The following ZNF610 variants were observed in gnomAD, a reference collection of about 807,000 sequenced individuals.
The protein encoded by ZNF610 is zink finger protein.
ZNF610 carries 14 observed loss-of-function variants against 14.1 expected under a neutral mutation model. That is an observed-to-expected ratio of 0.99 (90% confidence interval 0.65 to 1.55). ZNF610 has a LOEUF of 1.55. ZNF610 is among the 40% of genes most tolerant of loss of function. The pLI is 0.00. For missense variants in ZNF610, 530 were observed against 558.0 expected, an observed-to-expected ratio of 0.95 and a Z score of 0.51; for synonymous variants, 185 against 187.6, an observed-to-expected ratio of 0.99 and a Z score of 0.11.
At chr19:52,336,835 T>C (rs1288127216) in intron 1 of ZNF610, among the ~76,000 whole-genome samples, 1 of 152,220 alleles carries the variant, frequency 6.6e-6, no homozygotes, top group Admixed American at 6.5e-5. Context: ...ACGTGACTTC[T>C]TCTGTCTTAG....
chr19:52,361,200 CAG>C (rs1985757693), intron 5 of ZNF610, among the ~76,000 whole-genome samples: 1 of 147,030 alleles, frequency 6.8e-6, no homozygotes, highest in Non-Finnish European at 1.5e-5. Context: ...TTTTCCGAGA[CAG>C]AGTCTCGCTC....
At chr19:52,336,240 T>G (rs531334910), upstream of ZNF610, 24 of 253,668 alleles carry the variant, frequency 9.5e-5, no homozygotes, top group Non-Finnish European at 1.7e-4. Flanking sequence ...CGCGCAGTTT[T>G]TTGCAGACCC....
chr19:52,335,000 A>T (rs1177831779), upstream of ZNF610, among the ~76,000 whole-genome samples: 1 of 114,440 alleles, frequency 8.7e-6, no homozygotes, highest in South Asian at 2.7e-4. Context: ...TGGTTTTTTT[A>T]AAAGCAACAG....
At chr19:52,360,656 T>C (rs1985732539) in intron 5 of ZNF610, among the ~76,000 whole-genome samples, 1 of 152,084 alleles carries the variant, frequency 6.6e-6, no homozygotes, top group Non-Finnish European at 1.5e-5. Flanking sequence ...CTGCATCTGA[T>C]GAGCCTATCA....
chr19:52,352,096 G>C (rs2122226290), intron 3 of ZNF610, among the ~76,000 whole-genome samples: 1 of 152,322 alleles, frequency 6.6e-6, no homozygotes, highest in Non-Finnish European at 1.5e-5. Flanking sequence ...TACTCTTTTA[G>C]TAGAGTTGCG....
intron 5 of ZNF610, 40 bp downstream of exon 5, chr19:52,354,419 ATT>A (rs760399092): frequency 3.1e-6 from 5 of 1,592,190 alleles, no homozygotes; most frequent in Non-Finnish European, 3.4e-6. Flanking sequence ...CATAGTTTTT[ATT>A]TTTTTATTTT....
chr19:52,354,133 G>A, intron 4 of ZNF610, 118 bp from the exon 5 acceptor site: 2 of 1,399,244 alleles, frequency 1.4e-6, no homozygotes, highest in Admixed American at 4.2e-5. Context: ...CCAGTCTGTG[G>A]GTGAACTTGT....
At chr19:52,334,603 A>G (rs1032777738), upstream of ZNF610, among the ~76,000 whole-genome samples, 2 of 152,198 alleles carry the variant, frequency 1.3e-5, no homozygotes, top group African/African-American at 4.8e-5. Flanking sequence ...AATGTACTCT[A>G]CCAATTTTGA....
chr19:52,345,207 C>G (rs1984879735), intron 1 of ZNF610: 1 of 152,204 alleles, frequency 6.6e-6, no homozygotes, highest in African/African-American at 2.4e-5. Flanking sequence ...ATCAGGTGAT[C>G]TTCAAGTCCC....
At chr19:52,356,634 A>G (rs1473322606) in intron 5 of ZNF610, among the ~76,000 whole-genome samples, 5 of 152,182 alleles carry the variant, frequency 3.3e-5, no homozygotes, top group African/African-American at 1.2e-4. Flanking sequence ...ATTTTTGAAT[A>G]GGAGTTTAAA....
Position 52,354,272 on chromosome 19 carries a change from G to A in ZNF610, c.212G>A (p.Ser71Asn), listed in dbSNP as rs996671127. The change falls in exon 5 of 6, where the codon AGT (serine) becomes AAT (asparagine). Residue 71 changes from serine (S) to asparagine (N), a missense_variant. Physicochemically the swap from Ser to Asn is conservative, Grantham distance 46 (BLOSUM62 1). Coordinates refer to ENST00000403906, the MANE Select transcript of ZNF610 (RefSeq NM_001161425.2). ...ACAGGAATCTGTCTTCCTGACCTAA[G>A]TATTATTTCCATGTTGAAGCAAAGG... ...VFLGICLPDL[S>N]IISMLKQRRE... The A allele has an allele frequency of 6.2e-7, 1 of 1,614,062 alleles. No individual in the cohort carries two copies.
intron 1 of ZNF610, among the ~76,000 whole-genome samples, chr19:52,343,589 T>G (rs567038420): frequency 2.6e-5 from 4 of 152,116 alleles, no homozygotes; most frequent in Non-Finnish European, 4.4e-5. Flanking sequence ...ATTTGCTCAG[T>G]TAGGATGGAA....
intron 5 of ZNF610, among the ~76,000 whole-genome samples, chr19:52,354,943 A>G (rs1365164842): frequency 1.3e-5 from 2 of 152,174 alleles, no homozygotes; most frequent in African/African-American, 4.8e-5. Context: ...TGAGAAAAGA[A>G]AAGTTTAAAT....
intron 3 of ZNF610, among the ~76,000 whole-genome samples, chr19:52,353,189 C>T (rs1985343415): frequency 6.6e-6 from 1 of 152,256 alleles, no homozygotes; most frequent in African/African-American, 2.4e-5. Flanking sequence ...ATCCATCCAC[C>T]TCGGCCTCCC....
chr19:52,365,012 AAGGC>A (rs1198678751), intron 5 of ZNF610, among the ~76,000 whole-genome samples: 1 of 152,028 alleles, frequency 6.6e-6, no homozygotes, highest in African/African-American at 2.4e-5. Context: ...TTGGGAGACC[AAGGC>A]AGGCAGATTG....
At chr19:52,354,613 C>A (rs1040992465) in intron 5 of ZNF610, among the ~76,000 whole-genome samples, 5 of 144,024 alleles carry the variant, frequency 3.5e-5, no homozygotes, top group African/African-American at 1.3e-4. Flanking sequence ...TTGTCTCACT[C>A]CGTTGCCCAG....
At chr19:52,330,796 C>T in the ZNF610 span, among the ~76,000 whole-genome samples, 2 of 152,142 alleles carry the variant, frequency 1.3e-5, no homozygotes, top group South Asian at 4.2e-4. Flanking sequence ...GCTTCCAGAC[C>T]CCTTCTAGAT....
chr19:52,346,843 C>T (rs1056756646), intron 1 of ZNF610, among the ~76,000 whole-genome samples: 1 of 152,098 alleles, frequency 6.6e-6, no homozygotes, highest in African/African-American at 2.4e-5. Context: ...AATTCTCCTG[C>T]CTCGGCCTCC....
rs150946078 is a variant in ZNF610, at chr19:52,366,099, T to G, written c.721T>G (p.Phe241Val). Reference protein sequence around the residue: ...PYKCTECGKVFSRNSHLVEHW... With the variant: ...PYKCTECGKVVSRNSHLVEHW... Reference sequence around the variant, plus strand: ...CAAATGTACTGAATGTGGCAAGGTCTTCAGTCGCAATTCACACCTTGTAGA... The same window carrying G: ...CAAATGTACTGAATGTGGCAAGGTCGTCAGTCGCAATTCACACCTTGTAGA... The change falls in exon 6 of 6, where the codon TTC becomes GTC. Residue 241 changes from phenylalanine (F) to valine (V), a missense_variant. Coordinates refer to ENST00000403906, the MANE Select transcript of ZNF610 (RefSeq NM_001161425.2). The G allele has an allele frequency of 2.5e-6, 4 of 1,614,168 alleles. No individual in the cohort carries two copies. The East Asian group carries it at 8.9e-5, about 36-fold the overall frequency.
Sources: gnomAD v4.1 joint callset for allele counts (sites outside exome capture counted in the v4.1 genomes callset) on GRCh38, gnomAD v4.1.1 for gene constraint, MANE v1.5 for transcripts, NCBI Gene and HGNC (gene_info 2026-07-23, HGNC 2026-07-21) for gene names.